Variants in USP35 observed in about 807,000 individuals in gnomAD.
The protein encoded by USP35 is ubiquitin specific peptidase 35, also known as ubiquitin carboxyl-terminal hydrolase 35.
A neutral mutation model predicts 83.8 loss-of-function variants in USP35; 69 were observed. The ratio of observed to expected loss-of-function variants is 0.82; its 90% CI spans 0.68 to 1.01. The LOEUF (loss-of-function observed/expected upper bound fraction) is 1.01, where lower values mean the gene tolerates loss of function less well. USP35 is among the 50% of genes least tolerant of loss of function. The probability of loss-of-function intolerance (pLI) is 0.00; values close to 1 mark genes in which losing one functional copy is unlikely to be tolerated. For missense variants in USP35, 1,503 were observed against 1,362.5 expected (o/e 1.10, Z -1.62); for synonymous variants, 714 against 589.5 (o/e 1.21, Z -3.06).
intron 1 of USP35, among the ~76,000 whole-genome samples, chr11:78,193,255 G>A (rs536460932): frequency 2.6e-5 from 4 of 151,654 alleles, no homozygotes; most frequent in Non-Finnish European, 4.4e-5. Flanking sequence ...GTGCAGTGGC[G>A]TGATCTCAGC....
chr11:78,236,844 C>G, the USP35 span, among the ~76,000 whole-genome samples: 1 of 152,060 alleles, frequency 6.6e-6, no homozygotes, highest in Non-Finnish European at 1.5e-5. Flanking sequence ...ATGTCTTACC[C>G]CTAATGTATA....
rs1863509631 is a variant in USP35 at position 78,205,743 on chromosome 11, G to C, written c.1198-99G>C. 3.0e-6 allele frequency: 4 copies of C among 1,354,836 alleles called. No individual in the cohort carries two copies. The Admixed American group carries it at 8.1e-5, about 27-fold the overall frequency. The allele number at this position is 1,354,836 out of a possible 1,614,324, so 83.9% of individuals were successfully genotyped here. On this transcript the variant is annotated intron_variant, in intron 6 of 10. Transcript: ENST00000529308. ...GGGGGGGTGTGCCTGGGAGGCCTTG[G>C]GGTTGGCTGTATCTGAGAAGGCCTC...
At chr11:78,207,685 C>A in intron 8 of USP35, 62 bp downstream of exon 8, 2 of 1,515,600 alleles carry the variant, frequency 1.3e-6, no homozygotes, top group Non-Finnish European at 9.1e-7. Context: ...CCGACATGGA[C>A]ACCTTTCCCT....
chr11:78,200,701 A>C lies in USP35; in HGVS notation c.1090A>C (p.Asn364His). The C allele has an allele frequency of 5.6e-6, 9 of 1,614,132 alleles. No individual in the cohort carries two copies. Among genetic ancestry groups the C allele is most frequent in the Non-Finnish European group, 7.6e-6 (9 of 1,179,990 alleles). ...GGCCTCTCTGGTCAAGGAGGACTCGAACTCGGGGACCAGCTGCCTGGAGCA... is the reference window on the plus strand; with the variant it reads ...GGCCTCTCTGGTCAAGGAGGACTCGCACTCGGGGACCAGCTGCCTGGAGCA... ...MVASLVKEDSNSGTSCLEQLA... is the reference protein window; with the variant it reads ...MVASLVKEDSHSGTSCLEQLA... The change falls in exon 6 of 11, where the codon AAC becomes CAC. Residue 364 changes from asparagine to histidine, a missense_variant. By Grantham distance (68) the Asn-to-His change is moderately conservative. Transcript: ENST00000529308.
the USP35 span, among the ~76,000 whole-genome samples, chr11:78,230,060 G>A: frequency 6.6e-6 from 1 of 152,220 alleles, no homozygotes; most frequent in Admixed American, 6.5e-5. Flanking sequence ...CTTGAGGAAA[G>A]AAACTGTGTC....
downstream of USP35, chr11:78,215,278 G>A (rs1277810256): frequency 6.6e-6 from 1 of 152,562 alleles, no homozygotes; most frequent in African/African-American, 2.4e-5. Context: ...AAGACAAGAT[G>A]GACACGGCAG....
At chr11:78,230,316 T>A in the USP35 span, among the ~76,000 whole-genome samples, 3 of 152,164 alleles carry the variant, frequency 2.0e-5, no homozygotes, top group African/African-American at 7.2e-5. Flanking sequence ...TACTCACTCA[T>A]CCCTAAACAT....
downstream of USP35, chr11:78,215,951 G>A (rs556419018): frequency 6.5e-6 from 1 of 152,812 alleles, no homozygotes; most frequent in East Asian, 1.9e-4. Flanking sequence ...ACTTCAGAAT[G>A]GTTGTGCTTT....
At chr11:78,208,335 A>T (rs1443386862) in intron 8 of USP35, among the ~76,000 whole-genome samples, 1 of 152,204 alleles carries the variant, frequency 6.6e-6, no homozygotes, top group Non-Finnish European at 1.5e-5. Context: ...CCACATGGCC[A>T]GGCAGCCTGA....
the USP35 span, among the ~76,000 whole-genome samples, chr11:78,233,925 A>T: frequency 6.6e-6 from 1 of 152,044 alleles, no homozygotes; most frequent in African/African-American, 2.4e-5. Flanking sequence ...TTCTTTTCTT[A>T]AAGAGGCCTC....
At chr11:78,235,014 C>T in the USP35 span, among the ~76,000 whole-genome samples, 2 of 151,950 alleles carry the variant, frequency 1.3e-5, no homozygotes, top group South Asian at 2.1e-4. Flanking sequence ...TTTCTCCTCC[C>T]GGGCCACCGG....
intron 7 of USP35, among the ~76,000 whole-genome samples, chr11:78,207,027 C>T (rs968470035): frequency 2.6e-5 from 4 of 152,240 alleles, no homozygotes; most frequent in African/African-American, 9.6e-5. Flanking sequence ...GCTCTAGGGG[C>T]AGGGGCCAGG....
the USP35 span, chr11:78,220,519 G>C: frequency 7.6e-7 from 1 of 1,312,382 alleles, no homozygotes; most frequent in Non-Finnish European, 1.1e-6. Context: ...ACACCTCTGG[G>C]AGTAAGAACA....
chr11:78,231,840 G>T, the USP35 span: 1 of 152,142 alleles, frequency 6.6e-6, no homozygotes. Flanking sequence ...TCCCATTTAA[G>T]GGTGACTTAA....
chr11:78,193,026 C>G (rs1008904159), intron 1 of USP35, among the ~76,000 whole-genome samples: 3 of 152,060 alleles, frequency 2.0e-5, no homozygotes, highest in African/African-American at 7.3e-5. Flanking sequence ...TGCCTGAGTA[C>G]CAGGATTTCT....
rs1863960801 is a variant in USP35 at position 78,214,231 on chromosome 11, C to CAAAGGGGTGGGGGGGGCA, written c.*419_*436dup. Reference sequence around the variant, plus strand: ...AGCACAGCAGGATCCAAGCCTTGCACAAAGGGGTGGGGGGGGCAGTGTCTC... The same window carrying CAAAGGGGTGGGGGGGGCA: ...AGCACAGCAGGATCCAAGCCTTGCACAAAGGGGTGGGGGGGGCAAAAGGGGTGGGGGGGGCAGTGTCTC... On this transcript the variant is annotated 3_prime_UTR_variant, in exon 11 of 11. Coordinates refer to ENST00000529308, the MANE Select transcript of USP35 (RefSeq NM_020798.4). The CAAAGGGGTGGGGGGGGCA allele has an allele frequency of 7.7e-6, 1 of 129,614 alleles. No homozygotes were observed. The highest frequency in any genetic ancestry group is 7.8e-5 in the Admixed American group (1 of 12,850). 8.0% of individuals were successfully genotyped at this position (129,614 alleles called of 1,614,324 possible).
At chr11:78,225,008 G>T in the USP35 span, 5 of 733,592 alleles carry the variant, frequency 6.8e-6, no homozygotes, top group Admixed American at 4.5e-5. Flanking sequence ...CTAAGATGGA[G>T]ACGCCATCAA....
intron 10 of USP35, 54 bp from the exon 11 acceptor site, chr11:78,213,592 C>T: frequency 7.0e-7 from 1 of 1,433,236 alleles, no homozygotes; most frequent in South Asian, 1.7e-5. Context: ...TAGACTCACT[C>T]TGGCTTCAGG....
At position 78,213,883 on chromosome 11, in the gene USP35, C is replaced by T. The variant is rs1249287686; in HGVS notation, c.*70C>T. On this transcript the variant is annotated 3_prime_UTR_variant, in exon 11 of 11. Transcript: ENST00000529308. ...TAGGGCCTGAGGGAAGCTGTGGAGG[C>T]AGGCCCTACCAAGAGGAAGGATGGT... 2.7e-6 allele frequency: 4 copies of T among 1,502,912 alleles called. No homozygotes were observed. The East Asian group carries it at 8.0e-5, about 30-fold the overall frequency. 93.1% of individuals were successfully genotyped at this position (1,502,912 alleles called of 1,614,324 possible). A position where few individuals can be genotyped will look rare whatever the true frequency, so the allele number is the denominator to read the frequency against.
Sources: allele counts gnomAD v4.1 joint callset (sites outside exome capture counted in the v4.1 genomes callset), GRCh38; gene constraint gnomAD v4.1.1; transcripts MANE v1.5; gene names NCBI Gene and HGNC (gene_info 2026-07-23, HGNC 2026-07-21).